PIK3C2G: variants seen among roughly 807,000 people sequenced by gnomAD.
The protein encoded by PIK3C2G is phosphatidylinositol 3-kinase C2 domain-containing subunit gamma.
A neutral mutation model predicts 181.1 loss-of-function variants in PIK3C2G; 168 were observed. That is an observed-to-expected ratio of 0.93 (90% CI 0.82 to 1.05). The LOEUF (loss-of-function observed/expected upper bound fraction) is 1.05. Among genes scored for constraint, PIK3C2G ranks in the 50% least tolerant of loss-of-function variants. The pLI, the probability that PIK3C2G is intolerant of heterozygous loss-of-function variation, is 0.00. For missense variants in PIK3C2G, 1,869 were observed against 1,732.8 expected (o/e 1.08, Z -1.40); for synonymous variants, 573 against 592.2 (o/e 0.97, Z 0.47).
chr12:18,304,727 G>A (rs575940725), intron 5 of PIK3C2G, among the ~76,000 whole-genome samples: 9 of 152,246 alleles, frequency 5.9e-5, no homozygotes, highest in Admixed American at 4.6e-4. Context: ...TGTATATATT[G>A]CTGGGGAAGA....
Position 18,571,246 on chromosome 12 carries a change from G to A in PIK3C2G, c.4011+4189G>A, listed in dbSNP as rs1056930156. On this transcript the variant is annotated intron_variant, in intron 29 of 32. Transcript: ENST00000538779. The stretch of plus-strand genomic sequence containing the variant: ...TGTTATTTCTAGATTAAGTATGTCA[G>A]AGAATACACCTATAGTTTCAATTTT... 1.3e-5 allele frequency among the ~76,000 whole-genome samples: 2 copies of A among 150,632 alleles called. 1 individual carries two copies. The highest frequency in any genetic ancestry group is 5.0e-5 in the African/African-American group (2 of 40,292).
the PIK3C2G span, among the ~76,000 whole-genome samples, chr12:18,717,619 C>A: frequency 6.6e-6 from 1 of 152,060 alleles, no homozygotes; most frequent in African/African-American, 2.4e-5. Context: ...GCATGGAAAC[C>A]ACAGAACCCT....
intron 30 of PIK3C2G, among the ~76,000 whole-genome samples, chr12:18,595,937 C>T (rs1947337301): frequency 6.6e-6 from 1 of 152,100 alleles, no homozygotes; most frequent in African/African-American, 2.4e-5. Flanking sequence ...TTCTTCAAAA[C>T]ACTCATTGCC....
chr12:18,246,854 T>C (rs1948045233), upstream of PIK3C2G, among the ~76,000 whole-genome samples: 1 of 152,168 alleles, frequency 6.6e-6, no homozygotes, highest in Non-Finnish European at 1.5e-5. Flanking sequence ...TATAACCAAA[T>C]GTTTGCTTGG....
Position 18,464,477 on chromosome 12 carries a change from A to G in PIK3C2G, c.2505-23972A>G, listed in dbSNP as rs191305192. On this transcript the variant is annotated intron_variant, in intron 18 of 32. Coordinates refer to ENST00000538779, the MANE Select transcript of PIK3C2G (RefSeq NM_001288772.2). ...TAAATTGTAAATGACAATACAACAA[A>G]CTGCCATGAATTCACTACCAAGTTT... Among the ~76,000 whole-genome samples the G allele has an allele frequency of 1.1e-3, 168 of 152,198 alleles. 2 individuals are homozygous for G. Among genetic ancestry groups the G allele is most frequent in the Non-Finnish European group, 2.1e-3 (140 of 67,984 alleles).
rs577233999 is a variant in PIK3C2G, at chr12:18,391,658, C to T, written c.2126+406C>T. ...TAAAAAGAGCAGAAAAGAAATAAGT[C>T]TTGTTTTAACAGCACAAATTAGTGA... On this transcript the variant is annotated intron_variant, in intron 15 of 32. Transcript: ENST00000538779. Among the ~76,000 whole-genome samples the T allele has an allele frequency of 1.6e-4, 24 of 152,138 alleles. No homozygotes were observed. The East Asian group carries it at 4.3e-3, about 27-fold the overall frequency.
chr12:18,497,608 GT>G lies in PIK3C2G; in HGVS notation c.2887-6del, dbSNP rs1565450316. The G allele has an allele frequency of 6.2e-7, 1 of 1,608,194 alleles. No individual in the cohort carries two copies. Among genetic ancestry groups the G allele is most frequent in the African/African-American group, 1.3e-5 (1 of 74,790 alleles). On this transcript the variant is annotated splice_polypyrimidine_tract_variant and intron_variant, in intron 21 of 32. Transcript: ENST00000538779. ...GGAAAAACCCAGGGTCTATAATTTT[GT>G]TTTTAACAGGCTGGAGATGATCTTC...
intron 32 of PIK3C2G, among the ~76,000 whole-genome samples, chr12:18,644,501 G>T (rs1295039828): frequency 6.6e-6 from 1 of 152,114 alleles, no homozygotes; most frequent in South Asian, 2.1e-4. Flanking sequence ...GGGAAAATTA[G>T]AAAGAACAGA....
At chr12:18,548,394 G>T (rs1158967618) in intron 26 of PIK3C2G, among the ~76,000 whole-genome samples, 1 of 151,988 alleles carries the variant, frequency 6.6e-6, no homozygotes, top group Non-Finnish European at 1.5e-5. Flanking sequence ...ATATGTATTT[G>T]GATGAAAAAA....
At chr12:18,530,140 C>A (rs1395505575) in intron 24 of PIK3C2G, among the ~76,000 whole-genome samples, 1 of 152,182 alleles carries the variant, frequency 6.6e-6, no homozygotes, top group Non-Finnish European at 1.5e-5. Context: ...TACCAACTCC[C>A]TGCTTTAAGC....
chr12:18,325,009 CAA>C (rs752652519), intron 7 of PIK3C2G, 24 bp from the exon 8 acceptor site: 2 of 1,297,536 alleles, frequency 1.5e-6, no homozygotes, highest in Admixed American at 2.2e-5. Context: ...CAATTTTAAA[CAA>C]AGTTTCTATT....
In PIK3C2G at chr12:18,282,584, A is replaced by G. The variant is rs1949267000; in HGVS notation, c.503A>G (p.His168Arg). 3 of 1,612,554 alleles carry G rather than the reference A, an allele frequency of 1.9e-6. No homozygotes were observed. The highest frequency in any genetic ancestry group is 2.5e-6 in the Non-Finnish European group (3 of 1,178,912). ...KELENENHNY[H>R]IGFESSIPPT... is the part of the protein sequence containing the mutation. ...TTAGAAAATGAAAATCATAACTACCATATAGGATTTGAAAGTAGCATTCCT... is the reference window on the plus strand; with the variant it reads ...TTAGAAAATGAAAATCATAACTACCGTATAGGATTTGAAAGTAGCATTCCT... The change falls in exon 2 of 33, where the codon CAT becomes CGT. Residue 168 changes from histidine (H) to arginine (R), a missense_variant. Coordinates refer to ENST00000538779, the MANE Select transcript of PIK3C2G (RefSeq NM_001288772.2).
chr12:18,693,915 T>G, the PIK3C2G span: 1 of 1,526,518 alleles, frequency 6.6e-7, no homozygotes, highest in African/African-American at 1.4e-5. Context: ...GATGTAACCC[T>G]GCACGACTTG....
At chr12:18,713,463 G>A in the PIK3C2G span, among the ~76,000 whole-genome samples, 1 of 152,138 alleles carries the variant, frequency 6.6e-6, no homozygotes, top group East Asian at 1.9e-4. Flanking sequence ...GGGGAATGGG[G>A]TATATGGCAG....
At chr12:18,495,881 C>T (rs1940963648) in intron 20 of PIK3C2G, among the ~76,000 whole-genome samples, 181 bp from the exon 21 acceptor site, 1 of 151,972 alleles carries the variant, frequency 6.6e-6, no homozygotes, top group African/African-American at 2.4e-5. Flanking sequence ...AGTTGATGGA[C>T]TAAATTTTTT....
chr12:18,394,193 T>C (rs552022695), intron 15 of PIK3C2G, among the ~76,000 whole-genome samples: 1 of 152,150 alleles, frequency 6.6e-6, no homozygotes, highest in Admixed American at 6.5e-5. Context: ...TAGGATTAAG[T>C]CCACTCTAGC....
chr12:18,401,310 G>C (rs1472733710), intron 16 of PIK3C2G, among the ~76,000 whole-genome samples: 1 of 152,012 alleles, frequency 6.6e-6, no homozygotes, highest in Admixed American at 6.6e-5. Flanking sequence ...TAATAAAATA[G>C]TCATGTGGTA....
At chr12:18,550,830 C>G (rs556599457) in intron 26 of PIK3C2G, among the ~76,000 whole-genome samples, 1 of 152,140 alleles carries the variant, frequency 6.6e-6, no homozygotes, top group Admixed American at 6.6e-5. Context: ...TGAGACATAA[C>G]ATATGTGGCT....
At chr12:18,629,081 C>T (rs901991223) in intron 31 of PIK3C2G, among the ~76,000 whole-genome samples, 3 of 152,136 alleles carry the variant, frequency 2.0e-5, no homozygotes, top group Non-Finnish European at 2.9e-5. Flanking sequence ...TATTAATTCC[C>T]TCTGTGGAGA....
Sources: gnomAD v4.1 joint callset for allele counts (sites outside exome capture counted in the v4.1 genomes callset) on GRCh38, gnomAD v4.1.1 for gene constraint, MANE v1.5 for transcripts, NCBI Gene and HGNC (gene_info 2026-07-23, HGNC 2026-07-21) for gene names.